PTN: variants seen among roughly 807,000 people sequenced by gnomAD.
The protein encoded by PTN is pleiotrophin, also known as heparin affin regulatory protein.
Under a neutral mutation model 24.1 loss-of-function variants are expected in PTN, and 18 were observed. That is an observed-to-expected ratio of 0.75 (90% CI 0.52 to 1.11). PTN has a LOEUF of 1.11. Among genes scored for constraint, PTN ranks in the 50% least tolerant of loss-of-function variants. PTN has a pLI of 0.00. For missense variants in PTN, 163 were observed against 198.8 expected (o/e 0.82, Z 1.08); for synonymous variants, 78 against 68.6 (o/e 1.14, Z -0.67).
At chr7:137,274,521 C>T (rs111553270) in intron 1 of PTN, among the ~76,000 whole-genome samples, 4,246 of 152,026 alleles carry the variant, frequency 0.028, 72 homozygotes, top group African/African-American at 0.046. Context: ...TAGGCCCCCA[C>T]CCCCCGACAG....
chr7:137,300,641 G>A (rs1406272458), intron 1 of PTN, among the ~76,000 whole-genome samples: 1 of 151,868 alleles, frequency 6.6e-6, no homozygotes, highest in Non-Finnish European at 1.5e-5. Flanking sequence ...AGACAAAGAG[G>A]TGCTTGGAAC....
At chr7:137,322,542 T>A (rs1417577474) in intron 1 of PTN, among the ~76,000 whole-genome samples, 1 of 152,162 alleles carries the variant, frequency 6.6e-6, no homozygotes, top group African/African-American at 2.4e-5. Flanking sequence ...TTATGACCTA[T>A]CATTAAAAAC....
chr7:137,287,454 T>A (rs1211670704), intron 1 of PTN, among the ~76,000 whole-genome samples: 2 of 150,934 alleles, frequency 1.3e-5, no homozygotes, highest in Non-Finnish European at 3.0e-5. Flanking sequence ...AAATATGCAT[T>A]TTTTTTTTCA....
At chr7:137,278,976 AATAAT>A (rs1368019534) in intron 1 of PTN, among the ~76,000 whole-genome samples, 2 of 147,564 alleles carry the variant, frequency 1.4e-5, no homozygotes, top group African/African-American at 5.0e-5. Flanking sequence ...TAATAATAAT[AATAAT>A]AAAATAAAGA....
chr7:137,271,351 G>A lies in PTN; in HGVS notation c.-1-16377C>T, dbSNP rs369246541. ...GACTTGGTAATATAGTAGAAAATCC[G>A]TTGTGACTAAAAGCATGGAGTCTTA... is the stretch of plus-strand genomic sequence containing the variant. On this transcript the variant is annotated intron_variant, in intron 1 of 4. Coordinates refer to ENST00000348225, the MANE Select transcript of PTN (RefSeq NM_002825.7). Among the ~76,000 whole-genome samples the A allele has an allele frequency of 5.3e-5, 8 of 152,088 alleles. No homozygotes were observed. The East Asian group carries it at 7.7e-4, about 15-fold the overall frequency.
At chr7:137,250,480 C>T (rs1313121831) in intron 4 of PTN, among the ~76,000 whole-genome samples, 1 of 152,154 alleles carries the variant, frequency 6.6e-6, no homozygotes, top group Non-Finnish European at 1.5e-5. Context: ...CTTTAAAGAC[C>T]CTGTCTCCAA....
intron 1 of PTN, among the ~76,000 whole-genome samples, chr7:137,259,276 G>A (rs919752337): frequency 6.6e-6 from 1 of 151,976 alleles, no homozygotes; most frequent in African/African-American, 2.4e-5. Context: ...TTTTCAAGAT[G>A]GTAATATCTA....
intron 1 of PTN, among the ~76,000 whole-genome samples, chr7:137,320,124 G>A (rs960285923): frequency 2.0e-5 from 3 of 152,178 alleles, no homozygotes; most frequent in African/African-American, 7.2e-5. Flanking sequence ...CAATCATTGA[G>A]CATCCTCAAT....
intron 1 of PTN, among the ~76,000 whole-genome samples, chr7:137,335,835 G>A (rs1011820497): frequency 4.6e-5 from 7 of 151,798 alleles, no homozygotes; most frequent in African/African-American, 1.7e-4. Flanking sequence ...GTGACATGTA[G>A]CTTTTAAGAC....
rs1012513139 is a variant in PTN at position 137,286,619 on chromosome 7, T to G, written c.-1-31645A>C. 2.0e-5 allele frequency among the ~76,000 whole-genome samples: 3 copies of G among 152,188 alleles called. No homozygotes were observed. The East Asian group carries it at 5.8e-4, about 29-fold the overall frequency. On this transcript the variant is annotated intron_variant, in intron 1 of 4. Transcript: ENST00000348225. ...ATAAATAATTTCTTTTTTACTTAAT[T>G]ATTCATTTAGACTGAACAAATTTAT...
rs911709596 is a variant in PTN, at chr7:137,274,307, G to A, written c.-1-19333C>T. ...AAAGAAAATACATTTAAAGGCCACTGGTCTACCCAATACCAAGGTCTATCT... is the reference window on the plus strand; with the variant it reads ...AAAGAAAATACATTTAAAGGCCACTAGTCTACCCAATACCAAGGTCTATCT... On this transcript the variant is annotated intron_variant, in intron 1 of 4. Coordinates refer to ENST00000348225, the MANE Select transcript of PTN (RefSeq NM_002825.7). 5.9e-5 allele frequency among the ~76,000 whole-genome samples: 9 copies of A among 152,132 alleles called. No individual in the cohort carries two copies. In the East Asian group the frequency reaches 1.7e-3, roughly 29 times the overall value.
chr7:137,324,779 C>T lies in PTN; in HGVS notation c.-2+18660G>A, dbSNP rs531914336. On this transcript the variant is annotated intron_variant, in intron 1 of 4. Transcript: ENST00000348225. ...AAGTCTCCATTCTGGGAACCTCCTC[C>T]TTCTCATCCATGGAAAGGGTAATAA... The T allele has an allele frequency of 1.9e-4, 29 of 152,238 alleles. No individual in the cohort carries two copies. The East Asian group carries it at 5.2e-3, about 27-fold the overall frequency. 9.4% of individuals were successfully genotyped at this position (152,238 alleles called of 1,614,324 possible).
At chr7:137,277,582 T>A (rs543625629) in intron 1 of PTN, among the ~76,000 whole-genome samples, 2 of 151,900 alleles carry the variant, frequency 1.3e-5, no homozygotes, top group East Asian at 1.9e-4. Context: ...GAAAAAAAAA[T>A]TTTTTGAGAC....
In PTN at chr7:137,265,221, G is replaced by A. The variant is rs895806942; in HGVS notation, c.-1-10247C>T. 1.1e-4 allele frequency among the ~76,000 whole-genome samples: 17 copies of A among 152,104 alleles called. No homozygotes were observed. The East Asian group carries it at 1.9e-3, about 17-fold the overall frequency. On this transcript the variant is annotated intron_variant, in intron 1 of 4. Transcript: ENST00000348225. ...GTATTCCTCGTGGGACTCCAACTGC[G>A]TCTAAATGGACAGGAGAGTCGAAAG...
chr7:137,321,966 G>A (rs1055074721), intron 1 of PTN, among the ~76,000 whole-genome samples: 13 of 151,988 alleles, frequency 8.6e-5, no homozygotes, highest in African/African-American at 2.4e-4. Context: ...TAAGAACTTC[G>A]GACTTAACCA....
intron 1 of PTN, among the ~76,000 whole-genome samples, chr7:137,340,935 G>A (rs1202253466): frequency 2.0e-5 from 3 of 152,260 alleles, no homozygotes; most frequent in African/African-American, 7.2e-5. Context: ...ATATTAAAAA[G>A]CATAATTCTT....
chr7:137,273,712 G>A (rs1420050861), intron 1 of PTN, among the ~76,000 whole-genome samples: 1 of 152,158 alleles, frequency 6.6e-6, no homozygotes, highest in African/African-American at 2.4e-5. Flanking sequence ...CCTGGGAGCT[G>A]TGAGGGGGAA....
At chr7:137,234,979 G>A (rs2128867949) in intron 4 of PTN, among the ~76,000 whole-genome samples, 1 of 152,118 alleles carries the variant, frequency 6.6e-6, no homozygotes, top group African/African-American at 2.4e-5. Flanking sequence ...CTAAGAGATA[G>A]AATTCATTTT....
chr7:137,305,956 G>T (rs1406542449), intron 1 of PTN, among the ~76,000 whole-genome samples: 1 of 152,052 alleles, frequency 6.6e-6, no homozygotes, highest in Non-Finnish European at 1.5e-5. Context: ...AAATACTCTT[G>T]TGAGTGCCCG....
Sources: gnomAD v4.1 joint callset for allele counts (sites outside exome capture counted in the v4.1 genomes callset) on GRCh38, gnomAD v4.1.1 for gene constraint, MANE v1.5 for transcripts, NCBI Gene and HGNC (gene_info 2026-07-23, HGNC 2026-07-21) for gene names.